Variants in UCP3 observed in about 807,000 individuals in gnomAD.
The protein encoded by UCP3 is uncoupling protein 3.
UCP3 carries 24 observed loss-of-function variants against 28.1 expected under a neutral mutation model. The ratio of observed to expected loss-of-function variants is 0.85; its 90% confidence interval spans 0.62 to 1.20. The LOEUF (loss-of-function observed/expected upper bound fraction) is 1.20. Among genes scored for constraint, UCP3 ranks in the 50% most tolerant of loss-of-function variants. UCP3 has a pLI of 0.00. For synonymous variants in UCP3, 184 were observed against 171.2 expected (o/e 1.07, Z -0.59); for missense variants, 397 against 422.2 (o/e 0.94, Z 0.52).
chr11:74,006,817 G>T (rs967365109), intron 2 of UCP3, 100 bp downstream of exon 2: 32 of 1,581,464 alleles, frequency 2.0e-5, no homozygotes, highest in Non-Finnish European at 2.7e-5. Context: ...CTTTGTCAGG[G>T]TTCTGAGGAA....
Position 74,003,933 on chromosome 11 carries a change from C to T in UCP3, c.718G>A (p.Val240Met), listed in dbSNP as rs138705669. 25 of 1,614,166 alleles carry T rather than the reference C, an allele frequency of 1.5e-5. No individual in the cohort carries two copies. The highest frequency in any genetic ancestry group is 1.9e-5 in the Non-Finnish European group (23 of 1,180,034). Residue 240 changes from valine (V) to methionine (M), a missense_variant, in exon 6 of 7, where the codon GTG becomes ATG. By Grantham distance (21) the Val-to-Met change is conservative. Transcript: ENST00000314032. ...GAGTTCATATACCGGGTCTTCACCACGTCCACCGGGGAGGCCACCACTGTG... is the reference window on the plus strand; with the variant it reads ...GAGTTCATATACCGGGTCTTCACCATGTCCACCGGGGAGGCCACCACTGTG... The part of the protein sequence containing the change: ...CATVVASPVD[V>M]VKTRYMNSPP...
Position 74,006,977 on chromosome 11 carries a change from T to C in UCP3, c.66A>G (p.Thr22=). Residue 22 remains threonine, a synonymous_variant, in exon 2 of 7, where the codon ACA becomes ACG. Coordinates refer to ENST00000314032, the MANE Select transcript of UCP3 (RefSeq NM_003356.4). Reference sequence around the variant, plus strand: ...TAACGAGGTCAGCAAAACAGGCTGCTGTGCCTGCCCCCAGGAACTTCACAG... The same window carrying C: ...TAACGAGGTCAGCAAAACAGGCTGCCGTGCCTGCCCCCAGGAACTTCACAG... ...TMAVKFLGAG[T]AACFADLVTF... The C allele has an allele frequency of 6.2e-7, 1 of 1,614,238 alleles. No homozygotes were observed. Among genetic ancestry groups the C allele is most frequent in the Non-Finnish European group, 8.5e-7 (1 of 1,180,040 alleles).
chr11:74,003,443 A>G, intron 6 of UCP3: 3 of 994,896 alleles, frequency 3.0e-6, no homozygotes, highest in African/African-American at 1.7e-5. Flanking sequence ...ATGATGAGGC[A>G]TTCCACGCAG....
rs1032914307 is a variant in UCP3, at chr11:74,005,986, G to A, written c.338-53C>T. ...TGTCCCCTACTAAGCAGCATTCTGG[G>A]ACATGCTGTTCTCTGCGGGGCTGCC... is the stretch of plus-strand genomic sequence containing the variant. On this transcript the variant is annotated intron_variant, in intron 3 of 6. Coordinates refer to ENST00000314032, the MANE Select transcript of UCP3 (RefSeq NM_003356.4). 2.5e-6 allele frequency: 4 copies of A among 1,602,524 alleles called. No homozygotes were observed. In the African/African-American group the frequency reaches 5.4e-5, roughly 21 times the overall value.
At position 74,007,210 on chromosome 11, in the gene UCP3, G is replaced by C. The variant is rs143470338; in HGVS notation, c.-95-73C>G. On this transcript the variant is annotated intron_variant, in intron 1 of 6. Coordinates refer to ENST00000314032, the MANE Select transcript of UCP3 (RefSeq NM_003356.4). ...GCTCCCAGGAACTCTTCCTTACCCA[G>C]GAGGGGCTTTAGAAAGGGAGAAGCC... The C allele has an allele frequency of 5.6e-4, 489 of 876,978 alleles. 3 individuals carry two copies. In the African/African-American group the frequency reaches 7.5e-3, roughly 13 times the overall value. The allele number at this position is 876,978 out of a possible 1,614,324, so 54.3% of individuals were successfully genotyped here.
At position 74,007,012 on chromosome 11, in the gene UCP3, G is replaced by C. The variant is rs1951672827; in HGVS notation, c.31C>G (p.Pro11Ala). ...CCCAGGAACTTCACAGCCATGGTGG[G>C]AGGCACGTCTGAAGGCTTCAGTCCA... MVGLKPSDVP[P>A]TMAVKFLGAG... Residue 11 changes from proline to alanine, a missense_variant, in exon 2 of 7, where the codon CCC becomes GCC. By Grantham distance (27) the Pro-to-Ala change is conservative (BLOSUM62 -1). Coordinates refer to ENST00000314032, the MANE Select transcript of UCP3 (RefSeq NM_003356.4). 6.2e-7 allele frequency: 1 copy of C among 1,614,184 alleles called. No homozygotes were observed. Among genetic ancestry groups the C allele is most frequent in the South Asian group, 1.1e-5 (1 of 91,090 alleles).
rs1951614714 is a variant in UCP3, at chr11:74,000,550, C to T, written c.*862G>A. The T allele has an allele frequency of 6.6e-6, 1 of 152,334 alleles. No individual in the cohort carries two copies. The highest frequency in any genetic ancestry group is 2.1e-4 in the South Asian group (1 of 4,838). The allele number at this position is 152,334 out of a possible 1,614,324, so 9.4% of individuals were successfully genotyped here. On this transcript the variant is annotated 3_prime_UTR_variant, in exon 7 of 7. Transcript: ENST00000314032. The stretch of plus-strand genomic sequence containing the variant: ...ATCCTTTGGTCTCACCTCTAGACAA[C>T]CGTATCTTTCAAACCTTCTTCCCTG...
At position 74,007,858 on chromosome 11, in the gene UCP3, C is replaced by T. The variant is rs548541496; in HGVS notation, c.-95-721G>A. On this transcript the variant is annotated intron_variant, in intron 1 of 6. Coordinates refer to ENST00000314032, the MANE Select transcript of UCP3 (RefSeq NM_003356.4). ...GGCCAGCACTCCCCAATCTTCTTCC[C>T]AATTCACTCCAGACTCTCCTAGACC... 8.4e-4 allele frequency among the ~76,000 whole-genome samples: 128 copies of T among 152,254 alleles called. 1 individual carries two copies. Among genetic ancestry groups the T allele is most frequent in the African/African-American group, 3.0e-3 (124 of 41,556 alleles).
In UCP3 at chr11:74,006,027, A is replaced by T. The variant is rs917034376; in HGVS notation, c.338-94T>A. On this transcript the variant is annotated intron_variant, in intron 3 of 6. Transcript: ENST00000314032. ...CGGGGCTGCCCCTGCAGCTTCCTTGATGTCCACTCAGAGCCTCCTCATAAG... is the reference window on the plus strand; with the variant it reads ...CGGGGCTGCCCCTGCAGCTTCCTTGTTGTCCACTCAGAGCCTCCTCATAAG... The T allele has an allele frequency of 8.9e-6, 14 of 1,565,494 alleles. No individual in the cohort carries two copies. The African/African-American group carries it at 1.6e-4, about 18-fold the overall frequency.
chr11:74,000,442 G>C lies in UCP3; in HGVS notation c.*970C>G, dbSNP rs1279172850. ...TACTCATGATTGAGCACGTGGTGGG[G>C]GGGGTGGGGAAGAGGCTGCATGGGG... is the stretch of plus-strand genomic sequence containing the variant. On this transcript the variant is annotated 3_prime_UTR_variant, in exon 7 of 7. Coordinates refer to ENST00000314032, the MANE Select transcript of UCP3 (RefSeq NM_003356.4). The C allele has an allele frequency of 1.3e-5, 2 of 152,274 alleles. No homozygotes were observed. The highest frequency in any genetic ancestry group is 2.9e-5 in the Non-Finnish European group (2 of 67,978). 9.4% of individuals were successfully genotyped at this position (152,274 alleles called of 1,614,324 possible). A position where few individuals can be genotyped will look rare whatever the true frequency, so the allele number is the denominator to read the frequency against.
Position 74,007,076 on chromosome 11 carries a change from C to T in UCP3, c.-34G>A. The T allele has an allele frequency of 6.2e-7, 1 of 1,611,788 alleles. No individual in the cohort carries two copies. Among genetic ancestry groups the T allele is most frequent in the Non-Finnish European group, 8.5e-7 (1 of 1,179,574 alleles). ...AAGGCTCTGCCCAGTCCCTTTAGGGCCGAGAGGAGGTCCAAGGAGAGAGGC... is the reference window on the plus strand; with the variant it reads ...AAGGCTCTGCCCAGTCCCTTTAGGGTCGAGAGGAGGTCCAAGGAGAGAGGC... On this transcript the variant is annotated 5_prime_UTR_variant, in exon 2 of 7. Transcript: ENST00000314032.
intron 6 of UCP3, chr11:74,003,420 T>G (rs577021400): frequency 1.0e-6 from 1 of 985,544 alleles, no homozygotes. Flanking sequence ...TGGCTAAAAT[T>G]GACAGCCTGT....
At chr11:74,007,755 G>T (rs1951677769) in intron 1 of UCP3, among the ~76,000 whole-genome samples, 1 of 152,142 alleles carries the variant, frequency 6.6e-6, no homozygotes, top group African/African-American at 2.4e-5. Context: ...GCCCACCTTG[G>T]GGCTCTAGAA....
intron 6 of UCP3, chr11:74,003,012 T>C: frequency 1.1e-6 from 1 of 917,528 alleles, no homozygotes; most frequent in Non-Finnish European, 1.3e-6. Context: ...TTGGATAAGT[T>C]ACTTAACTTT....
At position 74,006,217 on chromosome 11, in the gene UCP3, C is replaced by T. The variant is rs560208096; in HGVS notation, c.289G>A (p.Gly97Ser). Residue 97 changes from glycine (G) to serine (S), a missense_variant, in exon 3 of 7, where the codon GGC (glycine) becomes AGC (serine). By Grantham distance (56) the Gly-to-Ser change is moderately conservative. Coordinates refer to ENST00000314032, the MANE Select transcript of UCP3 (RefSeq NM_003356.4). ...RQMSFASIRI[G>S]LYDSVKQVYT... ...ACCTGCTTGACGGAGTCATAGAGGCCGATGCGGATGGAGGCGAAGCTCATC... is the reference window on the plus strand; with the variant it reads ...ACCTGCTTGACGGAGTCATAGAGGCTGATGCGGATGGAGGCGAAGCTCATC... The T allele has an allele frequency of 1.9e-5, 30 of 1,614,152 alleles. No homozygotes were observed. The highest frequency in any genetic ancestry group is 1.6e-4 in the Middle Eastern group (1 of 6,062).
chr11:74,006,212 G>A lies in UCP3; in HGVS notation c.294C>T (p.Leu98=). 1.9e-6 allele frequency: 3 copies of A among 1,614,174 alleles called. No individual in the cohort carries two copies. Among genetic ancestry groups the A allele is most frequent in the Non-Finnish European group, 2.5e-6 (3 of 1,180,050 alleles). ...QMSFASIRIG[L]YDSVKQVYTP... Reference sequence around the variant, plus strand: ...TGTACACCTGCTTGACGGAGTCATAGAGGCCGATGCGGATGGAGGCGAAGC... The same window carrying A: ...TGTACACCTGCTTGACGGAGTCATAAAGGCCGATGCGGATGGAGGCGAAGC... Residue 98 remains leucine, a synonymous_variant, in exon 3 of 7, where the codon CTC becomes CTT. Transcript: ENST00000314032.
chr11:74,005,622 A>C (rs1291809099), intron 4 of UCP3, 108 bp downstream of exon 4: 1 of 1,251,082 alleles, frequency 8.0e-7, no homozygotes, highest in East Asian at 2.4e-5. Flanking sequence ...TTTCAGAATC[A>C]CTGGAACACG....
At chr11:74,004,449 A>G (rs1405925505) in intron 5 of UCP3, 35 bp downstream of exon 5, 7 of 1,604,920 alleles carry the variant, frequency 4.4e-6, no homozygotes, top group Non-Finnish European at 6.0e-6. Context: ...CTCCCTGCTG[A>G]GGGAGAGCTG....
chr11:74,007,161 G>A, intron 1 of UCP3, 24 bp from the exon 2 acceptor site: 1 of 1,351,444 alleles, frequency 7.4e-7, no homozygotes, highest in Non-Finnish European at 1.0e-6. Flanking sequence ...GCCAGAGAAG[G>A]CTGATGGAGT....
Sources: allele counts gnomAD v4.1 joint callset (sites outside exome capture counted in the v4.1 genomes callset), GRCh38; gene constraint gnomAD v4.1.1; transcripts MANE v1.5; gene names NCBI Gene and HGNC (gene_info 2026-07-23, HGNC 2026-07-21).